LRRTM4: variants seen among roughly 807,000 people sequenced by gnomAD.
LRRTM4 encodes the protein leucine rich repeat transmembrane neuronal 4, also known as leucine-rich repeat transmembrane neuronal protein 4.
A neutral mutation model predicts 47.6 loss-of-function variants in LRRTM4; 25 were observed. That is an observed-to-expected ratio of 0.53 (90% confidence interval 0.38 to 0.73). The LOEUF is 0.73. LRRTM4 is among the 30% of genes least tolerant of loss of function. LRRTM4 has a pLI of 0.00. For missense variants in LRRTM4, 638 were observed against 713.4 expected (o/e 0.89, Z 1.20); for synonymous variants, 311 against 269.5 (o/e 1.15, Z -1.51).
rs961787095 is a variant in LRRTM4 at position 77,328,404 on chromosome 2, C to T, written c.1551+189914G>A. On this transcript the variant is annotated intron_variant, in intron 3 of 3. Transcript: ENST00000409884. ...ATGGAGAATCCTGAAGCTTGCTGTT[C>T]GGGTTGACATTTTTACAACTGTGTA... Among the ~76,000 whole-genome samples, 11 of 152,228 alleles carry T rather than the reference C, an allele frequency of 7.2e-5. No homozygotes were observed. In the East Asian group the frequency reaches 1.4e-3, roughly 19 times the overall value.
chr2:77,068,794 T>C (rs534356257), intron 3 of LRRTM4, among the ~76,000 whole-genome samples: 2 of 152,258 alleles, frequency 1.3e-5, no homozygotes, highest in African/African-American at 4.8e-5. Context: ...ATAAACAAAA[T>C]CTCTACAGCA....
intron 3 of LRRTM4, among the ~76,000 whole-genome samples, chr2:76,951,526 G>A (rs778693850): frequency 2.8e-4 from 42 of 151,808 alleles, no homozygotes; most frequent in Non-Finnish European, 5.7e-4. Flanking sequence ...TATTTACCTA[G>A]CCTTTATTGT....
At chr2:76,905,908 T>A (rs1673817955) in intron 3 of LRRTM4, among the ~76,000 whole-genome samples, 1 of 152,104 alleles carries the variant, frequency 6.6e-6, no homozygotes, top group African/African-American at 2.4e-5. Flanking sequence ...TGGAACCAAG[T>A]TGGAAAACAC....
intron 3 of LRRTM4, among the ~76,000 whole-genome samples, chr2:77,107,382 T>C (rs1671118991): frequency 6.6e-6 from 1 of 152,248 alleles, no homozygotes. Context: ...GAATCTTTTA[T>C]ATGGTAAAAG....
intron 3 of LRRTM4, among the ~76,000 whole-genome samples, chr2:76,862,762 AAG>A (rs1558699425): frequency 6.6e-6 from 1 of 152,216 alleles, no homozygotes; most frequent in Non-Finnish European, 1.5e-5. Context: ...TGAACAATCT[AAG>A]AGCTGAAAAT....
chr2:77,322,109 C>T (rs928181612), intron 3 of LRRTM4, among the ~76,000 whole-genome samples: 5 of 152,110 alleles, frequency 3.3e-5, no homozygotes, highest in Non-Finnish European at 5.9e-5. Context: ...TCAAGTCACA[C>T]AGGTAGAAAT....
chr2:77,016,449 G>T (rs997052541), intron 3 of LRRTM4, among the ~76,000 whole-genome samples: 1 of 151,500 alleles, frequency 6.6e-6, no homozygotes, highest in Admixed American at 6.6e-5. Flanking sequence ...TTGCTGAATA[G>T]AAACAAATAT....
chr2:77,234,725 G>A (rs555261225), intron 3 of LRRTM4, among the ~76,000 whole-genome samples: 1 of 152,188 alleles, frequency 6.6e-6, no homozygotes, highest in African/African-American at 2.4e-5. Flanking sequence ...TGGTGGATGG[G>A]ACTTGGACAT....
intron 3 of LRRTM4, among the ~76,000 whole-genome samples, chr2:77,051,377 G>T (rs577903997): frequency 7.0e-4 from 107 of 152,210 alleles, no homozygotes; most frequent in Middle Eastern, 3.4e-3. Flanking sequence ...AAGTGAGAGT[G>T]AAAGAACTGT....
At chr2:76,933,402 C>A (rs1674837933) in intron 3 of LRRTM4, among the ~76,000 whole-genome samples, 1 of 151,826 alleles carries the variant, frequency 6.6e-6, no homozygotes, top group Non-Finnish European at 1.5e-5. Flanking sequence ...TGCTTGCCTG[C>A]AGAGGTATAT....
intron 3 of LRRTM4, among the ~76,000 whole-genome samples, chr2:77,187,250 T>C (rs1381470775): frequency 6.6e-6 from 1 of 152,154 alleles, no homozygotes; most frequent in Non-Finnish European, 1.5e-5. Flanking sequence ...CTTGTGAGCA[T>C]GTGTTGAACC....
intron 3 of LRRTM4, among the ~76,000 whole-genome samples, chr2:76,984,013 G>C (rs934929991): frequency 1.3e-5 from 2 of 151,964 alleles, no homozygotes; most frequent in Non-Finnish European, 2.9e-5. Context: ...GTGACTACCT[G>C]AATACCTTCT....
intron 3 of LRRTM4, among the ~76,000 whole-genome samples, chr2:76,785,376 A>G (rs979950113): frequency 3.9e-5 from 6 of 152,196 alleles, no homozygotes; most frequent in African/African-American, 1.4e-4. Flanking sequence ...ATAACAGTGT[A>G]CTTTATAATC....
intron 3 of LRRTM4, among the ~76,000 whole-genome samples, chr2:77,306,347 A>T (rs1677271176): frequency 6.6e-6 from 1 of 152,180 alleles, no homozygotes; most frequent in Non-Finnish European, 1.5e-5. Context: ...AATGGCTTAT[A>T]TCAGGTTGGT....
At chr2:77,088,507 T>C (rs903858023) in intron 3 of LRRTM4, among the ~76,000 whole-genome samples, 1 of 152,044 alleles carries the variant, frequency 6.6e-6, no homozygotes, top group Non-Finnish European at 1.5e-5. Flanking sequence ...CAAACCCCCT[T>C]TGACTGTAAT....
chr2:76,832,021 T>G (rs1671367068), intron 3 of LRRTM4, among the ~76,000 whole-genome samples: 1 of 152,130 alleles, frequency 6.6e-6, no homozygotes, highest in East Asian at 1.9e-4. Flanking sequence ...TTTTACCAAT[T>G]TTTATGAAGA....
At chr2:77,377,495 A>G (rs1004406017) in intron 3 of LRRTM4, among the ~76,000 whole-genome samples, 1 of 151,774 alleles carries the variant, frequency 6.6e-6, no homozygotes, top group African/African-American at 2.4e-5. Context: ...CTTTTACCTT[A>G]TTTTTAGTCT....
intron 3 of LRRTM4, among the ~76,000 whole-genome samples, chr2:77,050,863 T>G (rs1245273579): frequency 6.6e-6 from 1 of 152,142 alleles, no homozygotes; most frequent in Non-Finnish European, 1.5e-5. Context: ...TAAGAACTTC[T>G]CAGATATTAT....
intron 3 of LRRTM4, among the ~76,000 whole-genome samples, chr2:77,454,259 G>A (rs1025089509): frequency 3.9e-5 from 6 of 152,078 alleles, no homozygotes; most frequent in East Asian, 1.9e-4. Context: ...ATGAACACCC[G>A]TATTTTAATT....
Sources: allele counts gnomAD v4.1 joint callset (sites outside exome capture counted in the v4.1 genomes callset), GRCh38; gene constraint gnomAD v4.1.1; transcripts MANE v1.5; gene names NCBI Gene and HGNC (gene_info 2026-07-23, HGNC 2026-07-21).